CSMD3: variants seen among roughly 807,000 people sequenced by gnomAD.
CSMD3 encodes the protein CUB and sushi domain-containing protein 3.
A neutral mutation model predicts 435.2 loss-of-function variants in CSMD3; 177 were observed. That is an observed-to-expected ratio of 0.41 (90% confidence interval 0.36 to 0.46). The LOEUF (loss-of-function observed/expected upper bound fraction) is 0.46, where lower values mean the gene tolerates loss of function less well. Among genes scored for constraint, CSMD3 ranks in the 20% least tolerant of loss-of-function variants. CSMD3 has a pLI of 0.34. For missense variants in CSMD3, 4,265 were observed against 4,504.6 expected (o/e 0.95, Z 1.52); for synonymous variants, 1,656 against 1,520.5 (o/e 1.09, Z -2.07).
chr8:113,327,476 G>A (rs1377596099), intron 1 of CSMD3, among the ~76,000 whole-genome samples: 1 of 151,928 alleles, frequency 6.6e-6, no homozygotes, highest in South Asian at 2.1e-4. Context: ...ACTAATAATG[G>A]CATGGAATAT....
At chr8:113,401,658 A>G (rs1490810268) in intron 1 of CSMD3, among the ~76,000 whole-genome samples, 1 of 151,684 alleles carries the variant, frequency 6.6e-6, no homozygotes, top group Non-Finnish European at 1.5e-5. Context: ...TAAAATTTTT[A>G]GATGTAGTTA....
At chr8:112,499,849 T>C (rs1353994287) in intron 30 of CSMD3, among the ~76,000 whole-genome samples, 1 of 152,094 alleles carries the variant, frequency 6.6e-6, no homozygotes, top group Non-Finnish European at 1.5e-5. Context: ...CCAGGCGTGG[T>C]GGCTTACGCC....
At chr8:112,982,514 A>T in intron 6 of CSMD3, among the ~76,000 whole-genome samples, 1 of 151,966 alleles carries the variant, frequency 6.6e-6, no homozygotes, top group Non-Finnish European at 1.5e-5. Flanking sequence ...TCCCCTAAAC[A>T]AACAAAATGA....
At chr8:113,364,371 C>T (rs192614870) in intron 1 of CSMD3, among the ~76,000 whole-genome samples, 148 of 151,782 alleles carry the variant, frequency 9.8e-4, no homozygotes, top group African/African-American at 3.4e-3. Flanking sequence ...TTTACCTTTA[C>T]ATTTGTATTC....
intron 13 of CSMD3, among the ~76,000 whole-genome samples, chr8:112,798,985 C>G (rs1054242580): frequency 1.3e-5 from 2 of 151,636 alleles, no homozygotes; most frequent in Admixed American, 6.6e-5. Context: ...AGACCCCCTG[C>G]ATGTAAAATA....
intron 1 of CSMD3, among the ~76,000 whole-genome samples, chr8:113,424,130 T>C (rs918062536): frequency 1.3e-5 from 2 of 151,712 alleles, no homozygotes; most frequent in African/African-American, 4.8e-5. Flanking sequence ...AATATCAGAA[T>C]AACATGAATC....
At chr8:112,547,894 C>T (rs886432086) in intron 27 of CSMD3, among the ~76,000 whole-genome samples, 4 of 152,080 alleles carry the variant, frequency 2.6e-5, no homozygotes, top group Admixed American at 2.0e-4. Flanking sequence ...TTACTAGACT[C>T]TCCTAGGATG....
intron 3 of CSMD3, among the ~76,000 whole-genome samples, chr8:113,242,543 C>A (rs1264175834): frequency 6.6e-6 from 1 of 151,952 alleles, no homozygotes; most frequent in Non-Finnish European, 1.5e-5. Context: ...GTGATTAGAT[C>A]ATCATCAAAC....
intron 13 of CSMD3, among the ~76,000 whole-genome samples, chr8:112,778,227 C>A (rs1587264788): frequency 6.6e-6 from 1 of 151,808 alleles, no homozygotes; most frequent in Non-Finnish European, 1.5e-5. Context: ...CATTATCACC[C>A]AAAGTCCGTA....
intron 27 of CSMD3, among the ~76,000 whole-genome samples, chr8:112,518,629 T>TGA (rs3080191): frequency 0.012 from 1,523 of 124,146 alleles, 16 homozygotes; most frequent in African/African-American, 0.028. Flanking sequence ...TGTGTGTGTG[T>TGA]GAGAGAGAGA....
chr8:112,314,747 A>G (rs1822306840), intron 47 of CSMD3, 130 bp from the exon 48 acceptor site: 1 of 713,136 alleles, frequency 1.4e-6, no homozygotes, highest in African/African-American at 1.8e-5. Flanking sequence ...TATTTGTTAG[A>G]AGAGACAAGT....
chr8:112,849,050 T>G (rs530296591), intron 11 of CSMD3, among the ~76,000 whole-genome samples: 1 of 152,240 alleles, frequency 6.6e-6, no homozygotes, highest in African/African-American at 2.4e-5. Flanking sequence ...ATGCAACATT[T>G]TTTAAAGCCA....
In CSMD3 at chr8:112,314,444, G is replaced by T; in HGVS notation, c.7534C>A (p.Leu2512Ile). Residue 2512 changes from leucine to isoleucine, a missense_variant, in exon 48 of 71, where the codon CTT becomes ATT. Around this residue, in one of 3 missense-constraint regions of CSMD3, gnomAD observed 3,255 missense variants for 3,380.2 expected, o/e 0.96. Coordinates refer to ENST00000297405, the MANE Select transcript of CSMD3 (RefSeq NM_198123.2). ...FFQTEKEFDV[L>I]QVYDGPNIQS... ...CCTTGGTTACCATCATACACCTGAA[G>T]AACATCAAATTCCTTTTCTGTCTGG... 1.2e-6 allele frequency: 2 copies of T among 1,607,172 alleles called. No homozygotes were observed. Among genetic ancestry groups the T allele is most frequent in the Non-Finnish European group, 1.7e-6 (2 of 1,173,952 alleles).
chr8:113,419,193 A>G (rs1484878354), intron 1 of CSMD3, among the ~76,000 whole-genome samples: 1 of 147,224 alleles, frequency 6.8e-6, no homozygotes, highest in Non-Finnish European at 1.5e-5. Context: ...ATCTTGGCTC[A>G]CTGCAAACTC....
intron 5 of CSMD3, among the ~76,000 whole-genome samples, chr8:113,071,072 A>G (rs2089092858): frequency 6.6e-6 from 1 of 151,958 alleles, no homozygotes; most frequent in South Asian, 2.1e-4. Flanking sequence ...GTGAGTAGTG[A>G]TGTCGAGTGC....
intron 3 of CSMD3, among the ~76,000 whole-genome samples, chr8:113,265,527 A>G (rs1161095945): frequency 6.6e-6 from 1 of 151,632 alleles, no homozygotes; most frequent in Non-Finnish European, 1.5e-5. Flanking sequence ...AAAAGCATCT[A>G]TAGTATTGCT....
chr8:112,465,996 C>A (rs981965272), intron 32 of CSMD3, among the ~76,000 whole-genome samples: 89 of 149,528 alleles, frequency 6.0e-4, no homozygotes, highest in Non-Finnish European at 7.1e-4. Flanking sequence ...AAAAGAGTTC[C>A]CTGTTCTTTT....
intron 35 of CSMD3, among the ~76,000 whole-genome samples, chr8:112,399,971 T>C (rs1831177781): frequency 6.6e-6 from 1 of 152,138 alleles, no homozygotes; most frequent in South Asian, 2.1e-4. Context: ...TTCACAACAA[T>C]GTAGGCTTTT....
At chr8:112,276,784 C>A (rs1188725394) in intron 59 of CSMD3, among the ~76,000 whole-genome samples, 1 of 152,166 alleles carries the variant, frequency 6.6e-6, no homozygotes, top group Non-Finnish European at 1.5e-5. Flanking sequence ...TGTTCCAAAA[C>A]CTCAATTCTT....
Sources: allele counts gnomAD v4.1 joint callset (sites outside exome capture counted in the v4.1 genomes callset), GRCh38; gene constraint gnomAD v4.1.1; regional missense constraint gnomAD v4.1.1; transcripts MANE v1.5; gene names NCBI Gene and HGNC (gene_info 2026-07-23, HGNC 2026-07-21).